STK32B: variants seen among roughly 807,000 people sequenced by gnomAD.
STK32B encodes serine/threonine-protein kinase 32B.
STK32B carries 43 observed loss-of-function variants against 52.6 expected under a neutral mutation model. The ratio of observed to expected loss-of-function variants is 0.82; its 90% CI spans 0.64 to 1.05. The LOEUF is 1.05. STK32B is among the 50% of genes least tolerant of loss of function. The probability of loss-of-function intolerance (pLI) is 0.00; values close to 1 mark genes in which losing one functional copy is unlikely to be tolerated. For synonymous variants in STK32B, 238 were observed against 204.3 expected (o/e 1.17, Z -1.41); for missense variants, 621 against 534.6 (o/e 1.16, Z -1.59).
intron 8 of STK32B, among the ~76,000 whole-genome samples, chr4:5,459,461 G>A (rs1031283860): frequency 1.3e-5 from 2 of 152,206 alleles, no homozygotes; most frequent in African/African-American, 4.8e-5. Flanking sequence ...CAGTCCCGGG[G>A]CCAGGCCTCT....
chr4:5,129,762 T>C (rs1715637019), intron 1 of STK32B, among the ~76,000 whole-genome samples: 2 of 152,236 alleles, frequency 1.3e-5, no homozygotes, highest in African/African-American at 4.8e-5. Flanking sequence ...TATGGTGAGA[T>C]ACTTCCTGAA....
chr4:5,232,603 G>A (rs956124064), intron 3 of STK32B, among the ~76,000 whole-genome samples: 1 of 152,220 alleles, frequency 6.6e-6, no homozygotes, highest in Non-Finnish European at 1.5e-5. Flanking sequence ...CCTGTTCCCT[G>A]GGCCTAGAAG....
At chr4:5,059,077 T>TTTTTTTTTTTTTTTTTTTTC in intron 1 of STK32B, among the ~76,000 whole-genome samples, 1 of 128,664 alleles carries the variant, frequency 7.8e-6, no homozygotes, top group Non-Finnish European at 1.8e-5. Context: ...TTTTTTTTTT[T>TTTTTTTTTTTTTTTTTTTTC]TTTTGTAGAG....
intron 3 of STK32B, among the ~76,000 whole-genome samples, chr4:5,200,057 C>G (rs1163224292): frequency 1.3e-5 from 2 of 152,126 alleles, no homozygotes; most frequent in Non-Finnish European, 2.9e-5. Flanking sequence ...CTGAATGTGA[C>G]TCTGGGGTCA....
intron 4 of STK32B, among the ~76,000 whole-genome samples, chr4:5,389,735 C>CA (rs199555753): frequency 5.3e-5 from 8 of 152,156 alleles, no homozygotes; most frequent in African/African-American, 1.7e-4. Flanking sequence ...ATGCCCCCCC[C>CA]AAAGATGCCA....
chr4:5,196,277 C>T (rs1242063738), intron 3 of STK32B, among the ~76,000 whole-genome samples: 7 of 149,268 alleles, frequency 4.7e-5, no homozygotes, highest in Admixed American at 1.3e-4. Context: ...TGCCACCCCG[C>T]GAGGTTCTCT....
At chr4:5,201,130 T>G (rs953778094) in intron 3 of STK32B, among the ~76,000 whole-genome samples, 3 of 152,202 alleles carry the variant, frequency 2.0e-5, no homozygotes, top group African/African-American at 7.2e-5. Flanking sequence ...TGAATGGGTC[T>G]CTCTTCCTTT....
the STK32B span, among the ~76,000 whole-genome samples, chr4:5,019,704 A>G: frequency 6.6e-6 from 1 of 152,270 alleles, no homozygotes. Flanking sequence ...CACTTTCAGC[A>G]AGAAATTTCT....
intron 3 of STK32B, among the ~76,000 whole-genome samples, chr4:5,302,976 G>T (rs1729663819): frequency 6.9e-6 from 1 of 144,376 alleles, no homozygotes; most frequent in African/African-American, 2.9e-5. Flanking sequence ...GTATATGTGT[G>T]TGTGTCTGTG....
At chr4:5,349,261 C>T (rs755366131) in intron 4 of STK32B, among the ~76,000 whole-genome samples, 1 of 152,154 alleles carries the variant, frequency 6.6e-6, no homozygotes, top group African/African-American at 2.4e-5. Context: ...ATCACTGCCA[C>T]CAATGTGGCC....
Position 5,467,957 on chromosome 4 carries a change from C to T in STK32B, c.1042-49C>T. 1.2e-6 allele frequency: 2 copies of T among 1,608,070 alleles called. No individual in the cohort carries two copies. The highest frequency in any genetic ancestry group is 1.1e-5 in the South Asian group (1 of 90,968). On this transcript the variant is annotated intron_variant, in intron 10 of 11. Coordinates refer to ENST00000282908, the MANE Select transcript of STK32B (RefSeq NM_018401.3). The surrounding 1 kb of genome is among the most constrained non-coding windows in gnomAD (Gnocchi z 5.8). ...CCTGTGATGCTCCATTACCGCGCGT[C>T]CCCGGACCGTGCTTTGTCATTTAGT...
chr4:5,074,342 A>G (rs1170706319), intron 1 of STK32B, among the ~76,000 whole-genome samples: 1 of 151,950 alleles, frequency 6.6e-6, no homozygotes, highest in African/African-American at 2.4e-5. Flanking sequence ...AATTTGAGAT[A>G]TTATATTTTC....
At chr4:5,123,793 A>G (rs867425084) in intron 1 of STK32B, among the ~76,000 whole-genome samples, 1 of 151,950 alleles carries the variant, frequency 6.6e-6, no homozygotes, top group African/African-American at 2.4e-5. Context: ...GGGGGTTAGG[A>G]TTCAGCACAT....
chr4:5,313,678 T>G (rs1370997727), intron 3 of STK32B, among the ~76,000 whole-genome samples: 2 of 152,176 alleles, frequency 1.3e-5, no homozygotes, highest in Non-Finnish European at 2.9e-5. Flanking sequence ...TGTGCAGTTG[T>G]GACAGCAAGG....
chr4:5,193,769 C>T (rs962872716), intron 3 of STK32B, among the ~76,000 whole-genome samples: 18 of 152,222 alleles, frequency 1.2e-4, no homozygotes, highest in African/African-American at 3.1e-4. Context: ...AACAAATGTG[C>T]GAGGATTTCA....
intron 4 of STK32B, among the ~76,000 whole-genome samples, chr4:5,346,467 T>C (rs758238158): frequency 2.0e-4 from 30 of 152,178 alleles, no homozygotes; most frequent in Non-Finnish European, 5.9e-5. Context: ...AACCTCTGAC[T>C]TAGTTCCCCA....
intron 8 of STK32B, 111 bp from the exon 9 acceptor site, chr4:5,459,992 G>T: frequency 1.3e-6 from 2 of 1,489,810 alleles, no homozygotes; most frequent in African/African-American, 1.4e-5. Context: ...AACATCAATA[G>T]AGCGTGAAGA....
chr4:5,226,149 G>A (rs1013445498), intron 3 of STK32B, among the ~76,000 whole-genome samples: 1 of 152,226 alleles, frequency 6.6e-6, no homozygotes, highest in African/African-American at 2.4e-5. Flanking sequence ...GAAATATCAT[G>A]TGTAAGCAAA....
chr4:5,040,960 T>C, the STK32B span, among the ~76,000 whole-genome samples: 4 of 152,182 alleles, frequency 2.6e-5, no homozygotes, highest in African/African-American at 9.7e-5. Flanking sequence ...AAAAATACAG[T>C]AGTCTCATCT....
Sources: gnomAD v4.1 joint callset for allele counts (sites outside exome capture counted in the v4.1 genomes callset) on GRCh38, gnomAD v4.1.1 for gene constraint, Gnocchi (gnomAD v3.1) non-coding constraint, MANE v1.5 for transcripts, NCBI Gene and HGNC (gene_info 2026-07-23, HGNC 2026-07-21) for gene names.